Variants in ZNF841 observed in about 807,000 individuals in gnomAD.
ZNF841 encodes TCONS_00006091.
A neutral mutation model predicts 13.0 loss-of-function variants in ZNF841; 11 were observed. The ratio of observed to expected loss-of-function variants is 0.85; its 90% CI spans 0.53 to 1.40. ZNF841 has a LOEUF of 1.40. Among genes scored for constraint, ZNF841 ranks in the 40% most tolerant of loss-of-function variants. The pLI is 0.00. For synonymous variants in ZNF841, 369 were observed against 381.6 expected (o/e 0.97, Z 0.38); for missense variants, 1,068 against 1,139.5 (o/e 0.94, Z 0.90).
chr19:52,075,512 G>T (rs1452057440), intron 6 of ZNF841, among the ~76,000 whole-genome samples: 1 of 152,188 alleles, frequency 6.6e-6, no homozygotes, highest in Admixed American at 6.5e-5. Flanking sequence ...TGAGGGACCT[G>T]AACAGGCAGA....
At chr19:52,077,144 T>C in intron 4 of ZNF841, 60 bp from the exon 5 acceptor site, 4 of 1,520,354 alleles carry the variant, frequency 2.6e-6, no homozygotes, top group Non-Finnish European at 3.5e-6. Flanking sequence ...TTACATAAAA[T>C]GAGAAGAGGA....
chr19:52,084,884 A>G lies in ZNF841; in HGVS notation c.-77-6T>C. 7.0e-7 allele frequency: 1 copy of G among 1,435,286 alleles called. No individual in the cohort carries two copies. The highest frequency in any genetic ancestry group is 9.5e-7 in the Non-Finnish European group (1 of 1,051,714). 88.9% of individuals were successfully genotyped at this position (1,435,286 alleles called of 1,614,324 possible). ...TAATTCTTTAAAAGTCAAATCTGAA[A>G]GTCAAAAATATGTTGTTTAATCCTT... On this transcript the variant is annotated splice_polypyrimidine_tract_variant and splice_region_variant and intron_variant, in intron 3 of 6. Coordinates refer to ENST00000594440, the MANE Select transcript of ZNF841 (RefSeq NM_001136499.2).
At chr19:52,088,421 C>A (rs2088362539) in intron 3 of ZNF841, among the ~76,000 whole-genome samples, 1 of 152,046 alleles carries the variant, frequency 6.6e-6, no homozygotes, top group Admixed American at 6.5e-5. Flanking sequence ...AAAAGGTATG[C>A]CAGAAATGCA....
chr19:52,076,113 T>C lies in ZNF841; in HGVS notation c.202A>G (p.Thr68Ala). 2 of 1,556,946 alleles carry C rather than the reference T, an allele frequency of 1.3e-6. No homozygotes were observed. Among genetic ancestry groups the C allele is most frequent in the Non-Finnish European group, 1.7e-6 (2 of 1,149,614 alleles). The stretch of plus-strand genomic sequence containing the variant: ...GCTATTTTCACTTGGCTCACCACAG[T>C]CCAGGGCTCTTTCCCTTGCTCCAAC... ...SMLEQGKEPWTVVSQVKIARN... is the reference protein window; with the variant it reads ...SMLEQGKEPWAVVSQVKIARN... Residue 68 changes from threonine (T) to alanine (A), a missense_variant, in exon 6 of 7, where the codon ACT becomes GCT. Thr to Ala is a moderately conservative substitution (Grantham distance 58). Transcript: ENST00000594440.
intron 5 of ZNF841, 34 bp from the exon 6 acceptor site, chr19:52,076,206 GT>G: frequency 1.3e-6 from 2 of 1,545,686 alleles, no homozygotes; most frequent in Non-Finnish European, 8.7e-7. Context: ...ATGTCCCACG[GT>G]TTTTCCAGAA....
intron 6 of ZNF841, among the ~76,000 whole-genome samples, chr19:52,073,664 AT>A (rs1230634457): frequency 3.3e-5 from 5 of 152,222 alleles, no homozygotes; most frequent in South Asian, 2.1e-4. Context: ...CACGAAAAAA[AT>A]ATATAGGTTT....
At chr19:52,086,986 G>GGGGTACT (rs1387288973) in intron 3 of ZNF841, among the ~76,000 whole-genome samples, 1 of 152,184 alleles carries the variant, frequency 6.6e-6, no homozygotes, top group Non-Finnish European at 1.5e-5. Context: ...GCACAGAAGA[G>GGGGTACT]GGGTACTCAC....
chr19:52,070,755 T>C (rs1323981512), intron 6 of ZNF841, among the ~76,000 whole-genome samples: 1 of 152,206 alleles, frequency 6.6e-6, no homozygotes, highest in Non-Finnish European at 1.5e-5. Context: ...ATCTGAGTCA[T>C]CATCCCCTGC....
chr19:52,094,537 C>T (rs2088608887), intron 1 of ZNF841, among the ~76,000 whole-genome samples: 1 of 152,034 alleles, frequency 6.6e-6, no homozygotes, highest in African/African-American at 2.4e-5. Flanking sequence ...CCCCAATCTC[C>T]ACGTATTTCT....
At chr19:52,071,786 G>A (rs956655321) in intron 6 of ZNF841, among the ~76,000 whole-genome samples, 2 of 151,616 alleles carry the variant, frequency 1.3e-5, no homozygotes, top group African/African-American at 4.8e-5. Context: ...AAGACAAACA[G>A]AACAAAAAAA....
At chr19:52,068,492 T>C (rs2087649212) in intron 6 of ZNF841, among the ~76,000 whole-genome samples, 1 of 151,484 alleles carries the variant, frequency 6.6e-6, no homozygotes, top group Non-Finnish European at 1.5e-5. Context: ...TTGGCCAACA[T>C]GGTGAAATCT....
intron 4 of ZNF841, among the ~76,000 whole-genome samples, chr19:52,083,546 T>C (rs999586434): frequency 2.6e-5 from 4 of 152,126 alleles, no homozygotes; most frequent in Admixed American, 6.5e-5. Flanking sequence ...CATTATTTTG[T>C]GGAAATCAAA....
intron 2 of ZNF841, 41 bp from the exon 3 acceptor site, chr19:52,089,043 C>T (rs2123369472): frequency 6.6e-6 from 1 of 152,344 alleles, no homozygotes; most frequent in African/African-American, 2.4e-5. Flanking sequence ...ACTGCAGCTA[C>T]ACCAGTAGGC....
chr19:52,083,074 C>T lies in ZNF841; in HGVS notation c.15+1713G>A, dbSNP rs2088150548. ...CAGCCTGGGCGACAGAGCAAGACTC[C>T]GTCTCAAAAAAAAAAAAAAAATGTA... is the stretch of plus-strand genomic sequence containing the variant. On this transcript the variant is annotated intron_variant, in intron 4 of 6. Coordinates refer to ENST00000594440, the MANE Select transcript of ZNF841 (RefSeq NM_001136499.2). Among the ~76,000 whole-genome samples, 3 of 142,494 alleles carry T rather than the reference C, an allele frequency of 2.1e-5. No homozygotes were observed. The Admixed American group carries it at 2.1e-4, about 10-fold the overall frequency. The allele number at this position is 142,494 out of a possible 152,430, so 93.5% of individuals were successfully genotyped here.
chr19:52,087,458 C>T (rs2088312046), intron 3 of ZNF841, among the ~76,000 whole-genome samples: 1 of 152,130 alleles, frequency 6.6e-6, no homozygotes, highest in South Asian at 2.1e-4. Flanking sequence ...TAAGTGAGAA[C>T]ATGCAGTATT....
intron 4 of ZNF841, among the ~76,000 whole-genome samples, chr19:52,083,943 A>G (rs900011657): frequency 1.3e-5 from 2 of 151,518 alleles, no homozygotes; most frequent in African/African-American, 4.8e-5. Context: ...TCTAAATTCC[A>G]TCTCTGCTTG....
At chr19:52,077,183 T>A in intron 4 of ZNF841, 99 bp from the exon 5 acceptor site, 1 of 1,378,806 alleles carries the variant, frequency 7.3e-7, no homozygotes, top group Non-Finnish European at 9.7e-7. Context: ...TTGATTGAAG[T>A]GTGTTTTGAC....
intron 4 of ZNF841, 48 bp from the exon 5 acceptor site, chr19:52,077,132 C>T (rs746441292): frequency 1.9e-6 from 3 of 1,547,062 alleles, no homozygotes; most frequent in Non-Finnish European, 1.7e-6. Flanking sequence ...GAGCTCTTAT[C>T]TTTACATAAA....
chr19:52,086,168 G>A (rs569416310), intron 3 of ZNF841, among the ~76,000 whole-genome samples: 341 of 152,202 alleles, frequency 2.2e-3, no homozygotes, highest in Middle Eastern at 0.014. Context: ...CGTGTAGGTG[G>A]GTAGGTGGGT....
Sources: allele counts gnomAD v4.1 joint callset (sites outside exome capture counted in the v4.1 genomes callset), GRCh38; gene constraint gnomAD v4.1.1; transcripts MANE v1.5; gene names NCBI Gene and HGNC (gene_info 2026-07-23, HGNC 2026-07-21).